STAG1: variants seen among roughly 807,000 people sequenced by gnomAD.
STAG1 encodes STAG1 cohesin complex component.
A neutral mutation model predicts 170.9 loss-of-function variants in STAG1; 26 were observed. That is an observed-to-expected ratio of 0.15 (90% CI 0.11 to 0.21). The LOEUF (loss-of-function observed/expected upper bound fraction) is 0.21, where lower values mean the gene tolerates loss of function less well. STAG1 is among the 10% of genes least tolerant of loss of function. The pLI, the probability that STAG1 is intolerant of heterozygous loss-of-function variation, is 1.00. For synonymous variants in STAG1, 514 were observed against 497.7 expected (o/e 1.03, Z -0.44); for missense variants, 964 against 1,509.5 (o/e 0.64, Z 5.99).
At chr3:136,740,524 A>T (rs1473856209) in intron 1 of STAG1, among the ~76,000 whole-genome samples, 2 of 152,310 alleles carry the variant, frequency 1.3e-5, no homozygotes, top group East Asian at 3.9e-4. Flanking sequence ...TTTGTCACCC[A>T]GGCTGGAGTG....
At chr3:136,487,118 G>A (rs1472109723) in intron 9 of STAG1, among the ~76,000 whole-genome samples, 1 of 148,652 alleles carries the variant, frequency 6.7e-6, no homozygotes, top group African/African-American at 2.5e-5. Flanking sequence ...CGTCCTCTAA[G>A]TTCCCTCCCC....
chr3:136,501,841 T>A (rs900562412), intron 8 of STAG1, among the ~76,000 whole-genome samples: 1 of 152,158 alleles, frequency 6.6e-6, no homozygotes, highest in Non-Finnish European at 1.5e-5. Flanking sequence ...ATAGTGCAGA[T>A]CTAAGATTTT....
At chr3:136,506,285 G>A (rs75269643) in intron 7 of STAG1, among the ~76,000 whole-genome samples, 1,676 of 152,182 alleles carry the variant, frequency 0.011, 15 homozygotes, top group Middle Eastern at 0.027. Flanking sequence ...TGCTGGCTTA[G>A]ATTAACGTGG....
chr3:136,721,507 T>C (rs1275052165), intron 1 of STAG1: 1 of 152,216 alleles, frequency 6.6e-6, no homozygotes, highest in African/African-American at 2.4e-5. Context: ...CTTTTTACAT[T>C]ATTTATCAAA....
At chr3:136,372,996 T>TA (rs1441090139) in intron 23 of STAG1, among the ~76,000 whole-genome samples, 2 of 152,198 alleles carry the variant, frequency 1.3e-5, no homozygotes, top group Admixed American at 1.3e-4. Context: ...TTTTGGTTGG[T>TA]AAGCTATTAA....
intron 14 of STAG1, among the ~76,000 whole-genome samples, chr3:136,449,968 T>TA (rs1367505385): frequency 2.6e-5 from 4 of 151,248 alleles, no homozygotes; most frequent in Non-Finnish European, 5.9e-5. Context: ...GATCATAGCT[T>TA]ACTGCAGCCT....
At chr3:136,375,213 T>C (rs1217089329) in intron 23 of STAG1, among the ~76,000 whole-genome samples, 1 of 152,204 alleles carries the variant, frequency 6.6e-6, no homozygotes, top group Non-Finnish European at 1.5e-5. Flanking sequence ...AAAACCAGTA[T>C]CTAATAAAGC....
intron 15 of STAG1, among the ~76,000 whole-genome samples, chr3:136,441,222 G>A (rs1477416636): frequency 3.3e-5 from 5 of 151,868 alleles, no homozygotes; most frequent in African/African-American, 9.7e-5. Flanking sequence ...TAGTAGAGAC[G>A]GGGTTTTGCC....
At chr3:136,443,249 T>G in intron 15 of STAG1, 38 bp downstream of exon 15, 2 of 1,443,990 alleles carry the variant, frequency 1.4e-6, no homozygotes, top group Non-Finnish European at 1.9e-6. Context: ...TCAATGGAAA[T>G]ACAAAATCAT....
At chr3:136,558,300 G>A (rs966976815) in intron 5 of STAG1, among the ~76,000 whole-genome samples, 2 of 152,180 alleles carry the variant, frequency 1.3e-5, no homozygotes, top group African/African-American at 4.8e-5. Context: ...GCTGAAACAG[G>A]AGAATCACTT....
chr3:136,398,841 GA>G lies in STAG1; in HGVS notation c.2197-13del, dbSNP rs767490463. 40 of 1,525,154 alleles carry G rather than the reference GA, an allele frequency of 2.6e-5. No individual in the cohort carries two copies. The highest frequency in any genetic ancestry group is 8.1e-5 in the Admixed American group (4 of 49,116). 94.5% of individuals were successfully genotyped at this position (1,525,154 alleles called of 1,614,324 possible). On this transcript the variant is annotated splice_polypyrimidine_tract_variant and intron_variant, in intron 21 of 33. Transcript: ENST00000383202. ...GCTTGCACGACTATCTGTATCAAAT[GA>G]AAAAAAATTTTTTTAATGAAAAATT... is the stretch of plus-strand genomic sequence containing the variant.
chr3:136,571,203 A>T (rs959728657), intron 4 of STAG1, among the ~76,000 whole-genome samples: 1 of 152,206 alleles, frequency 6.6e-6, no homozygotes, highest in Non-Finnish European at 1.5e-5. Context: ...GTACCAATTT[A>T]TACTCCCACC....
intron 12 of STAG1, among the ~76,000 whole-genome samples, chr3:136,468,968 G>T (rs1354651464): frequency 6.6e-6 from 1 of 152,122 alleles, no homozygotes; most frequent in East Asian, 1.9e-4. Context: ...AATACATTAG[G>T]TATTGATGGG....
At chr3:136,495,380 G>A in intron 9 of STAG1, among the ~76,000 whole-genome samples, 1 of 152,070 alleles carries the variant, frequency 6.6e-6, no homozygotes, top group South Asian at 2.1e-4. Context: ...AATCTTAGGG[G>A]TTAGGCAATG....
intron 21 of STAG1, among the ~76,000 whole-genome samples, chr3:136,416,163 G>A (rs570783520): frequency 1.4e-4 from 22 of 152,008 alleles, no homozygotes; most frequent in African/African-American, 4.3e-4. Context: ...GCCCGCCACC[G>A]TGCCTGGCTA....
intron 1 of STAG1, among the ~76,000 whole-genome samples, chr3:136,732,031 T>C (rs1018418115): frequency 1.3e-5 from 2 of 151,986 alleles, no homozygotes; most frequent in Non-Finnish European, 1.5e-5. Flanking sequence ...CTAAAAAAAT[T>C]ACAGGAAATC....
intron 6 of STAG1, among the ~76,000 whole-genome samples, chr3:136,536,703 CAAAAAAAAA>C (rs11321017): frequency 1.4e-5 from 1 of 70,962 alleles, no homozygotes; most frequent in African/African-American, 5.2e-5. Context: ...ACTCAGTCTC[CAAAAAAAAA>C]AAAAAAAAAA....
intron 28 of STAG1, among the ~76,000 whole-genome samples, chr3:136,356,414 G>C (rs1375158969): frequency 1.3e-5 from 2 of 151,968 alleles, no homozygotes; most frequent in African/African-American, 4.8e-5. Context: ...GGCTCCCCAG[G>C]CTGTCACCCA....
intron 1 of STAG1, among the ~76,000 whole-genome samples, chr3:136,721,969 C>T (rs1041212736): frequency 1.3e-5 from 2 of 150,968 alleles, no homozygotes; most frequent in Non-Finnish European, 2.9e-5. Flanking sequence ...CACCTGTAAT[C>T]CCAGCACTTT....
Sources: allele counts gnomAD v4.1 joint callset (sites outside exome capture counted in the v4.1 genomes callset), GRCh38; gene constraint gnomAD v4.1.1; transcripts MANE v1.5; gene names NCBI Gene and HGNC (gene_info 2026-07-23, HGNC 2026-07-21).